Variants in OR7A17 observed in about 807,000 individuals in gnomAD.
OR7A17 encodes the protein olfactory receptor family 7 subfamily A member 17, also known as olfactory receptor 7A17.
For missense variants in OR7A17, 366 were observed against 365.5 expected (o/e 1.00, Z -0.01); for synonymous variants, 159 against 142.1 (o/e 1.12, Z -0.85).
At position 14,878,308 on chromosome 19, in the gene OR7A17, C is replaced by T. The variant is rs1056211350; in HGVS notation, c.*2118G>A. ...GATTCACAAGTCTCTATTCTCCAAG[C>T]CAATGCTGGTTAGAAATTCAGGTTC... On this transcript the variant is annotated 3_prime_UTR_variant, in exon 3 of 3. Coordinates refer to ENST00000641113, the MANE Select transcript of OR7A17 (RefSeq NM_030901.2). 1 of 152,148 alleles carries T rather than the reference C, an allele frequency of 6.6e-6. No individual in the cohort carries two copies. The highest frequency in any genetic ancestry group is 2.4e-5 in the African/African-American group (1 of 41,418). The allele number at this position is 152,148 out of a possible 1,614,324, so 9.4% of individuals were successfully genotyped here.
chr19:14,881,215 C>T lies in OR7A17; in HGVS notation c.141G>A (p.Leu47=). ...VTVLGNLLII[L]ATISDSHLHT... Reference sequence around the variant, plus strand: ...GGAGGTGGGAGTCTGAGATTGTGGCCAGGATGATGAGCAGATTCCCGAGCA... The same window carrying T: ...GGAGGTGGGAGTCTGAGATTGTGGCTAGGATGATGAGCAGATTCCCGAGCA... Residue 47 remains leucine, a synonymous_variant, in exon 3 of 3, where the codon CTG becomes CTA. Coordinates refer to ENST00000641113, the MANE Select transcript of OR7A17 (RefSeq NM_030901.2). The T allele has an allele frequency of 6.2e-7, 1 of 1,613,854 alleles. No individual in the cohort carries two copies. The highest frequency in any genetic ancestry group is 8.5e-7 in the Non-Finnish European group (1 of 1,179,970).
Position 14,881,446 on chromosome 19 carries a change from C to T in OR7A17, c.-91G>A, listed in dbSNP as rs755927841. The T allele has an allele frequency of 1.0e-4, 89 of 849,326 alleles. No individual in the cohort carries two copies. Among genetic ancestry groups the T allele is most frequent in the Non-Finnish European group, 1.3e-4 (82 of 631,858 alleles). 52.6% of individuals were successfully genotyped at this position (849,326 alleles called of 1,614,324 possible). On this transcript the variant is annotated 5_prime_UTR_variant, in exon 3 of 3. Transcript: ENST00000641113. The stretch of plus-strand genomic sequence containing the variant: ...CTCTCACTCTGTTGCCAACGCTGGT[C>T]TGAACCTCCTGGACTCATGCGATCC...
At chr19:14,881,627 G>A (rs10408872) in intron 2 of OR7A17, 76 bp from the exon 3 acceptor site, 59,450 of 182,108 alleles carry the variant, frequency 0.33, 11,195 homozygotes, top group East Asian at 0.68. Context: ...TTTATACTCC[G>A]GAGTCAAGAA....
intron 1 of OR7A17, among the ~76,000 whole-genome samples, chr19:14,884,261 T>A (rs1343784955): frequency 1.3e-5 from 2 of 152,172 alleles, no homozygotes; most frequent in African/African-American, 4.8e-5. Context: ...TTAAAACTTT[T>A]TATGACCAAA....
chr19:14,878,934 C>G lies in OR7A17; in HGVS notation c.*1492G>C, dbSNP rs1174222280. 2.0e-5 allele frequency: 3 copies of G among 152,160 alleles called. No homozygotes were observed. Among genetic ancestry groups the G allele is most frequent in the Admixed American group, 2.0e-4 (3 of 15,276 alleles). 9.4% of individuals were successfully genotyped at this position (152,160 alleles called of 1,614,324 possible). The stretch of plus-strand genomic sequence containing the variant: ...CAGGTAATCCACTTGCCTCAGCCTC[C>G]CAAAGTTCTGGGATTACAGGCGTGA... On this transcript the variant is annotated 3_prime_UTR_variant, in exon 3 of 3. Coordinates refer to ENST00000641113, the MANE Select transcript of OR7A17 (RefSeq NM_030901.2).
chr19:14,880,401 A>G lies in OR7A17; in HGVS notation c.*25T>C. The G allele has an allele frequency of 6.5e-7, 1 of 1,529,700 alleles. No homozygotes were observed. Among genetic ancestry groups the G allele is most frequent in the Non-Finnish European group, 8.8e-7 (1 of 1,132,236 alleles). The allele number at this position is 1,529,700 out of a possible 1,614,324, so 94.8% of individuals were successfully genotyped here. A position where few individuals can be genotyped will look rare whatever the true frequency, so the allele number is the denominator to read the frequency against. Reference sequence around the variant, plus strand: ...ATGAGACTTAAAGCTCTGAAATCACAGTTATTTCTTGAAAAATGGCCCTTT... The same window carrying G: ...ATGAGACTTAAAGCTCTGAAATCACGGTTATTTCTTGAAAAATGGCCCTTT... On this transcript the variant is annotated 3_prime_UTR_variant, in exon 3 of 3. Coordinates refer to ENST00000641113, the MANE Select transcript of OR7A17 (RefSeq NM_030901.2).
rs1378606620 is a variant in OR7A17, at chr19:14,880,397, TCA to T, written c.*27_*28del. 7 of 1,518,636 alleles carry T rather than the reference TCA, an allele frequency of 4.6e-6. No individual in the cohort carries two copies. In the East Asian group the frequency reaches 1.1e-4, roughly 25 times the overall value. The allele number at this position is 1,518,636 out of a possible 1,614,324, so 94.1% of individuals were successfully genotyped here. Reference sequence around the variant, plus strand: ...GAGTATGAGACTTAAAGCTCTGAAATCACAGTTATTTCTTGAAAAATGGCCCT... The same window carrying T: ...GAGTATGAGACTTAAAGCTCTGAAATCAGTTATTTCTTGAAAAATGGCCCT... On this transcript the variant is annotated 3_prime_UTR_variant, in exon 3 of 3. Coordinates refer to ENST00000641113, the MANE Select transcript of OR7A17 (RefSeq NM_030901.2).
At chr19:14,882,790 G>T (rs1401709894) in intron 1 of OR7A17, among the ~76,000 whole-genome samples, 1 of 151,992 alleles carries the variant, frequency 6.6e-6, no homozygotes, top group Admixed American at 6.5e-5. Flanking sequence ...CTGCTTTTAT[G>T]CTAAAGGTGC....
In OR7A17 at chr19:14,880,702, G is replaced by C. The variant is rs765650204; in HGVS notation, c.654C>G (p.Tyr218Ter). 6.2e-7 allele frequency: 1 copy of C among 1,614,232 alleles called. No individual in the cohort carries two copies. The highest frequency in any genetic ancestry group is 1.7e-5 in the Admixed American group (1 of 60,034). Residue 218 changes from tyrosine (Y) to a stop codon, truncating the protein, a stop_gained, in exon 3 of 3, where the codon TAC (tyrosine) becomes TAG (stop). Coordinates refer to ENST00000641113, the MANE Select transcript of OR7A17 (RefSeq NM_030901.2). LOFTEE classifies it low-confidence loss of function (END_TRUNC). ...GGPLVGILCS[Y>*]SKIVSSIRAI... Reference sequence around the variant, plus strand: ...CACGTATGGAGGAAACTATCTTAGAGTAAGAGCAAAGGATCCCCACAAGGG... The same window carrying C: ...CACGTATGGAGGAAACTATCTTAGACTAAGAGCAAAGGATCCCCACAAGGG...
chr19:14,878,390 CAAAT>C lies in OR7A17; in HGVS notation c.*2032_*2035del, dbSNP rs1198778754. ...GAAGAGAGTTAGAGTATAAAAGAGA[CAAAT>C]GAACTGATGATAAGTTAAATACACA... On this transcript the variant is annotated 3_prime_UTR_variant, in exon 3 of 3. Transcript: ENST00000641113. 6.6e-6 allele frequency: 1 copy of C among 152,138 alleles called. No individual in the cohort carries two copies. The highest frequency in any genetic ancestry group is 2.4e-5 in the African/African-American group (1 of 41,408). 9.4% of individuals were successfully genotyped at this position (152,138 alleles called of 1,614,324 possible).
rs1386174513 is a variant in OR7A17 at position 14,881,465 on chromosome 19, G to C, written c.-110C>G. The stretch of plus-strand genomic sequence containing the variant: ...GCTGGTCTGAACCTCCTGGACTCAT[G>C]CGATCCTCCCACTTCAGCCTACAAA... On this transcript the variant is annotated 5_prime_UTR_variant, in exon 3 of 3. Transcript: ENST00000641113. 1 of 657,760 alleles carries C rather than the reference G, an allele frequency of 1.5e-6. No homozygotes were observed. The highest frequency in any genetic ancestry group is 2.2e-6 in the Non-Finnish European group (1 of 461,878). 40.7% of individuals were successfully genotyped at this position (657,760 alleles called of 1,614,324 possible). A position where few individuals can be genotyped will look rare whatever the true frequency, so the allele number is the denominator to read the frequency against.
chr19:14,880,877 C>T lies in OR7A17; in HGVS notation c.479G>A (p.Ser160Asn), dbSNP rs374628001. 2.2e-5 allele frequency: 35 copies of T among 1,614,030 alleles called. No homozygotes were observed. Among genetic ancestry groups the T allele is most frequent in the Non-Finnish European group, 2.7e-5 (32 of 1,180,040 alleles). ...MIAALNSLSQ[S>N]LMVLWLSFCT... The stretch of plus-strand genomic sequence containing the variant: ...GAAGGACAGCCACAATACCATTAAG[C>T]TTTGTGACAAGGAATTCAGGGCAGC... Residue 160 changes from serine (S) to asparagine (N), a missense_variant, in exon 3 of 3, where the codon AGC becomes AAC. Transcript: ENST00000641113.
chr19:14,880,986 CA>C lies in OR7A17; in HGVS notation c.369del (p.Phe123LeufsTer14). 5.0e-6 allele frequency: 8 copies of C among 1,614,138 alleles called. No homozygotes were observed. Among genetic ancestry groups the C allele is most frequent in the Non-Finnish European group, 6.8e-6 (8 of 1,180,028 alleles). ...TAGTGCAGAGGATGACAGATGGCCA[CA>C]AACCGATCATAGGCCATCACAGCCA... is the stretch of plus-strand genomic sequence containing the variant. ...LLLAVMAYDR[F>X]VAICHPLHYT... On this transcript the variant is annotated frameshift_variant, in exon 3 of 3. Transcript: ENST00000641113. LOFTEE classifies it low-confidence loss of function (END_TRUNC).
chr19:14,883,650 T>G (rs191876231), intron 1 of OR7A17, among the ~76,000 whole-genome samples: 125 of 152,280 alleles, frequency 8.2e-4, no homozygotes, highest in African/African-American at 2.9e-3. Context: ...CACAAAGGTG[T>G]ATGAGTATGT....
chr19:14,880,580 T>C lies in OR7A17; in HGVS notation c.776A>G (p.Tyr259Cys), dbSNP rs1599944714. 2 of 1,614,078 alleles carry C rather than the reference T, an allele frequency of 1.2e-6. No homozygotes were observed. The highest frequency in any genetic ancestry group is 2.7e-5 in the African/African-American group (2 of 74,986). ...SLFCCTGLGV[Y>C]LTSAATHNSH... ...GTTGTGGGTTGCAGCAGAAGTAAGG[T>C]ACACACCTAGGCCCGTACAACAAAA... The change falls in exon 3 of 3, where the codon TAC becomes TGC. Residue 259 changes from tyrosine to cysteine, a missense_variant. By Grantham distance (194) the Tyr-to-Cys change is radical. Coordinates refer to ENST00000641113, the MANE Select transcript of OR7A17 (RefSeq NM_030901.2).
At chr19:14,883,827 A>G (rs1158135709) in intron 1 of OR7A17, among the ~76,000 whole-genome samples, 1 of 152,254 alleles carries the variant, frequency 6.6e-6, no homozygotes, top group East Asian at 1.9e-4. Context: ...GAATAATTTA[A>G]TGATATCAAA....
intron 1 of OR7A17, among the ~76,000 whole-genome samples, chr19:14,882,315 T>C (rs1239903420): frequency 6.6e-6 from 1 of 152,168 alleles, no homozygotes; most frequent in Non-Finnish European, 1.5e-5. Flanking sequence ...ATAAAAAGGA[T>C]AAAAAGTGTT....
At chr19:14,884,062 A>G (rs747583025) in intron 1 of OR7A17, among the ~76,000 whole-genome samples, 1 of 152,206 alleles carries the variant, frequency 6.6e-6, no homozygotes, top group Non-Finnish European at 1.5e-5. Flanking sequence ...CTGGGAGAAA[A>G]TGAAGTGTGT....
Position 14,880,462 on chromosome 19 carries a change from C to T in OR7A17, c.894G>A (p.Lys298=), listed in dbSNP as rs1187936080. The T allele has an allele frequency of 1.1e-5, 17 of 1,611,374 alleles. No individual in the cohort carries two copies. The highest frequency in any genetic ancestry group is 2.2e-5 in the East Asian group (1 of 44,868). Residue 298 remains lysine (K), a synonymous_variant, in exon 3 of 3, where the codon AAG becomes AAA. Coordinates refer to ENST00000641113, the MANE Select transcript of OR7A17 (RefSeq NM_030901.2). ...CTCTGAAGGACATTTTCAGAGCCCT[C>T]TTTATGTCTTTATTCCTCAGACTGT... ...FIYSLRNKDI[K]RALKMSFRGK...
Sources: allele counts gnomAD v4.1 joint callset (sites outside exome capture counted in the v4.1 genomes callset), GRCh38; gene constraint gnomAD v4.1.1; transcripts MANE v1.5; gene names NCBI Gene and HGNC (gene_info 2026-07-23, HGNC 2026-07-21).